HCRTR2: variants seen among roughly 807,000 people sequenced by gnomAD.
HCRTR2 encodes orexin receptor type 2.
A neutral mutation model predicts 49.0 loss-of-function variants in HCRTR2; 22 were observed. The observed-to-expected ratio is 0.45, with a 90% CI of 0.32 to 0.64. The LOEUF (loss-of-function observed/expected upper bound fraction) is 0.64. HCRTR2 is among the 30% of genes least tolerant of loss of function. The pLI, the probability that HCRTR2 is intolerant of heterozygous loss-of-function variation, is 0.04. For missense variants in HCRTR2, 491 were observed against 559.4 expected (o/e 0.88, Z 1.23); for synonymous variants, 236 against 205.3 (o/e 1.15, Z -1.28).
At chr6:55,173,696 T>C (rs1447951865), upstream of HCRTR2, among the ~76,000 whole-genome samples, 2 of 152,200 alleles carry the variant, frequency 1.3e-5, no homozygotes, top group African/African-American at 2.4e-5. Flanking sequence ...ACATTAACTA[T>C]GATCATATTT....
rs1204477454 is a variant in HCRTR2 at position 55,174,601 on chromosome 6, A to C, written c.14A>C (p.Lys5Thr). The change falls in exon 1 of 7, where the codon AAA becomes ACA. Residue 5 changes from lysine to threonine, a missense_variant. Lys to Thr is a moderately conservative substitution (Grantham distance 78). Transcript: ENST00000370862. Reference protein sequence around the residue: MSGTKLEDSPPCRNW... With the variant: MSGTTLEDSPPCRNW... ...CTTGAGCCCGTGATGTCCGGCACCAAATTGGAGGACTCCCCCCCTTGTCGC... is the reference window on the plus strand; with the variant it reads ...CTTGAGCCCGTGATGTCCGGCACCACATTGGAGGACTCCCCCCCTTGTCGC... 2 of 1,613,784 alleles carry C rather than the reference A, an allele frequency of 1.2e-6. No homozygotes were observed. The highest frequency in any genetic ancestry group is 1.7e-5 in the Admixed American group (1 of 59,982).
downstream of HCRTR2, among the ~76,000 whole-genome samples, chr6:55,283,416 G>A (rs928915957): frequency 1.3e-5 from 2 of 151,968 alleles, no homozygotes; most frequent in Admixed American, 6.6e-5. Context: ...AGTTTGTAGC[G>A]CAGTTGCACT....
At chr6:55,213,692 G>GA (rs1207988529) in intron 1 of HCRTR2, among the ~76,000 whole-genome samples, 1 of 152,158 alleles carries the variant, frequency 6.6e-6, no homozygotes, top group Non-Finnish European at 1.5e-5. Flanking sequence ...AAAAGAAAGA[G>GA]AAAAATGTAC....
intron 3 of HCRTR2, among the ~76,000 whole-genome samples, chr6:55,263,207 T>C (rs1766800998): frequency 6.6e-6 from 1 of 152,054 alleles, no homozygotes; most frequent in African/African-American, 2.4e-5. Context: ...TATTTGGAGA[T>C]ACAACTGAGA....
intron 1 of HCRTR2, among the ~76,000 whole-genome samples, chr6:55,127,127 A>C (rs999250147): frequency 6.6e-6 from 1 of 151,956 alleles, no homozygotes. Flanking sequence ...GGGAAAAAAA[A>C]ATTTCTGCAG....
At chr6:55,222,905 T>G (rs946834641) in intron 1 of HCRTR2, among the ~76,000 whole-genome samples, 2 of 152,190 alleles carry the variant, frequency 1.3e-5, no homozygotes, top group Non-Finnish European at 2.9e-5. Flanking sequence ...TTCACTTAAA[T>G]ATGTGTTAGG....
chr6:55,163,191 C>A lies in HCRTR2; in HGVS notation c.-377-11020C>A, dbSNP rs148969827. On this transcript the variant is annotated intron_variant, in intron 1 of 7. Coordinates refer to the HCRTR2 transcript ENST00000615358. ...GACGGAGCTTGCAATGAGCCAAGAT[C>A]CTGTCACTGCACTCCAGCCTGAGTG... 3.6e-3 allele frequency among the ~76,000 whole-genome samples: 540 copies of A among 152,014 alleles called. 5 individuals are homozygous for A. Among genetic ancestry groups the A allele is most frequent in the African/African-American group, 0.011 (457 of 41,466 alleles).
intron 1 of HCRTR2, 91 bp downstream of exon 1, chr6:55,174,901 G>A: frequency 5.2e-6 from 5 of 966,496 alleles, no homozygotes; most frequent in Non-Finnish European, 8.4e-6. Flanking sequence ...TCCCTCCCCC[G>A]GGAAGCAAAC....
chr6:55,284,677 A>T (rs144082410), downstream of HCRTR2, among the ~76,000 whole-genome samples: 60 of 152,294 alleles, frequency 3.9e-4, 1 homozygote, highest in African/African-American at 1.3e-3. Context: ...ATTAAAAAAA[A>T]AACAGTTTAC....
intron 1 of HCRTR2, among the ~76,000 whole-genome samples, chr6:55,110,096 C>T (rs572310232): frequency 2.6e-5 from 4 of 151,954 alleles, no homozygotes; most frequent in Non-Finnish European, 4.4e-5. Flanking sequence ...GATTATCAGC[C>T]AAGAATTTTG....
chr6:55,163,729 T>C (rs191333574), intron 1 of HCRTR2, among the ~76,000 whole-genome samples: 9 of 152,264 alleles, frequency 5.9e-5, no homozygotes, highest in Admixed American at 6.5e-5. Context: ...AAACACTTCA[T>C]GTCTAAAACA....
chr6:55,162,105 C>T lies in HCRTR2; in HGVS notation c.-377-12106C>T, dbSNP rs538686048. 3.3e-5 allele frequency among the ~76,000 whole-genome samples: 5 copies of T among 152,220 alleles called. No individual in the cohort carries two copies. The South Asian group carries it at 6.2e-4, about 19-fold the overall frequency. On this transcript the variant is annotated intron_variant, in intron 1 of 7. Coordinates refer to the HCRTR2 transcript ENST00000615358. Reference sequence around the variant, plus strand: ...AATCCTCAATAAAATACTGGCAAACCAAATCCAGCAGCACATCAAAAAGCT... The same window carrying T: ...AATCCTCAATAAAATACTGGCAAACTAAATCCAGCAGCACATCAAAAAGCT...
chr6:55,160,131 T>A (rs911785664), intron 1 of HCRTR2, among the ~76,000 whole-genome samples: 1 of 152,156 alleles, frequency 6.6e-6, no homozygotes, highest in Non-Finnish European at 1.5e-5. Context: ...AGACTAACAG[T>A]GGATCTCCCT....
intron 3 of HCRTR2, among the ~76,000 whole-genome samples, chr6:55,256,521 T>G (rs1457295741): frequency 6.6e-5 from 10 of 152,176 alleles, no homozygotes; most frequent in Non-Finnish European, 1.5e-4. Context: ...CATATATTGT[T>G]GCAAGACCTA....
chr6:55,115,812 A>G (rs769137597), intron 1 of HCRTR2, among the ~76,000 whole-genome samples: 7 of 149,920 alleles, frequency 4.7e-5, no homozygotes, highest in African/African-American at 1.7e-4. Context: ...ATACAGAGAT[A>G]TTCATTCAAA....
chr6:55,185,866 C>T (rs557205974), intron 1 of HCRTR2, among the ~76,000 whole-genome samples: 3 of 152,260 alleles, frequency 2.0e-5, no homozygotes, highest in Admixed American at 1.3e-4. Context: ...TTTCTGTAAA[C>T]AGAATACAAT....
chr6:55,283,367 G>C (rs1767233120), downstream of HCRTR2, among the ~76,000 whole-genome samples: 1 of 152,142 alleles, frequency 6.6e-6, no homozygotes, highest in South Asian at 2.1e-4. Context: ...GGTCATGGCA[G>C]AGCAGTGAAG....
chr6:55,126,106 G>A (rs756639605), intron 1 of HCRTR2, among the ~76,000 whole-genome samples: 63 of 152,116 alleles, frequency 4.1e-4, no homozygotes, highest in Non-Finnish European at 6.8e-4. Context: ...ATCTTCTGAA[G>A]CCTACCTCTG....
intron 3 of HCRTR2, among the ~76,000 whole-genome samples, chr6:55,260,628 C>T (rs748397151): frequency 7.2e-5 from 11 of 151,896 alleles, no homozygotes; most frequent in South Asian, 2.1e-4. Context: ...AAGACTGCAG[C>T]GGATAAAGAC....
Sources: allele counts gnomAD v4.1 joint callset (sites outside exome capture counted in the v4.1 genomes callset), GRCh38; gene constraint gnomAD v4.1.1; transcripts MANE v1.5; gene names NCBI Gene and HGNC (gene_info 2026-07-23, HGNC 2026-07-21).